Variants in NUCB2 observed in about 807,000 individuals in gnomAD.
The protein encoded by NUCB2 is nucleobindin-2.
In NUCB2, 48 loss-of-function variants were observed where a neutral mutation model predicts 57.9. The ratio of observed to expected loss-of-function variants is 0.83; its 90% CI spans 0.66 to 1.05. The LOEUF is 1.05. Among genes scored for constraint, NUCB2 ranks in the 50% least tolerant of loss-of-function variants. NUCB2 has a pLI of 0.00. For missense variants in NUCB2, 442 were observed against 476.2 expected, an observed-to-expected ratio of 0.93 and a Z score of 0.67; for synonymous variants, 139 against 152.1, an observed-to-expected ratio of 0.91 and a Z score of 0.64.
At chr11:17,299,784 G>A (rs1238271352) in intron 4 of NUCB2, among the ~76,000 whole-genome samples, 1 of 151,954 alleles carries the variant, frequency 6.6e-6, no homozygotes, top group Admixed American at 6.6e-5. Context: ...TGCATCTGTA[G>A]TCCTAGCTAC....
chr11:17,324,406 A>G (rs1950395820), intron 11 of NUCB2, among the ~76,000 whole-genome samples: 1 of 152,122 alleles, frequency 6.6e-6, no homozygotes, highest in Admixed American at 6.6e-5. Context: ...CATTGTGGTC[A>G]GAGAAGATGC....
At chr11:17,333,162 C>T (rs867870839), downstream of NUCB2, 1 of 152,196 alleles carries the variant, frequency 6.6e-6, no homozygotes, top group Non-Finnish European at 1.5e-5. Context: ...CAGGCAACCC[C>T]TGATTCACCT....
At chr11:17,296,698 G>A (rs1023377252) in intron 4 of NUCB2, among the ~76,000 whole-genome samples, 1 of 152,120 alleles carries the variant, frequency 6.6e-6, no homozygotes, top group African/African-American at 2.4e-5. Flanking sequence ...GAGGCAAGAA[G>A]TATATGGGAA....
At chr11:17,299,292 G>T (rs1043984604) in intron 4 of NUCB2, among the ~76,000 whole-genome samples, 1 of 152,126 alleles carries the variant, frequency 6.6e-6, no homozygotes, top group Non-Finnish European at 1.5e-5. Flanking sequence ...TAACTCTAGA[G>T]CCTGCATTTC....
At chr11:17,317,205 T>A (rs1440696674) in intron 11 of NUCB2, among the ~76,000 whole-genome samples, 1 of 152,124 alleles carries the variant, frequency 6.6e-6, no homozygotes, top group Non-Finnish European at 1.5e-5. Context: ...ATTTGCTTTA[T>A]CTTTCTCTCT....
intron 2 of NUCB2, among the ~76,000 whole-genome samples, chr11:17,347,114 A>G (rs1449824648): frequency 6.6e-6 from 1 of 152,208 alleles, no homozygotes; most frequent in East Asian, 1.9e-4. Flanking sequence ...ATCAATCAAT[A>G]TATGTAAGAA....
At chr11:17,336,799 A>AGATATATGT (rs1417043351), downstream of NUCB2, among the ~76,000 whole-genome samples, 2 of 149,520 alleles carry the variant, frequency 1.3e-5, no homozygotes, top group Non-Finnish European at 3.0e-5. Context: ...TCTGAGACAT[A>AGATATATGT]GATATATGTT....
At chr11:17,348,067 C>A (rs1043757734) in intron 2 of NUCB2, among the ~76,000 whole-genome samples, 2 of 152,006 alleles carry the variant, frequency 1.3e-5, no homozygotes, top group African/African-American at 4.8e-5. Flanking sequence ...AATGACAGTT[C>A]TTCGTGGGTT....
chr11:17,279,152 A>G (rs987204113), intron 1 of NUCB2, among the ~76,000 whole-genome samples: 1 of 152,192 alleles, frequency 6.6e-6, no homozygotes, highest in Admixed American at 6.6e-5. Context: ...AGATCGCGCT[A>G]TTGCACTCCA....
intron 1 of NUCB2, among the ~76,000 whole-genome samples, chr11:17,277,904 T>A (rs1941660925): frequency 6.6e-6 from 1 of 152,188 alleles, no homozygotes; most frequent in South Asian, 2.1e-4. Context: ...ACAAATCTTC[T>A]TCAGCTAATA....
chr11:17,322,663 A>G (rs1950170325), intron 11 of NUCB2, among the ~76,000 whole-genome samples: 3 of 152,106 alleles, frequency 2.0e-5, no homozygotes, highest in Admixed American at 6.6e-5. Flanking sequence ...GAATTTGTAG[A>G]CTGCTTTGGG....
chr11:17,291,545 C>CA lies in NUCB2; in HGVS notation c.1-3764dup, dbSNP rs61660913. 3.6e-3 allele frequency among the ~76,000 whole-genome samples: 187 copies of CA among 52,204 alleles called. 20 individuals are homozygous for CA. The highest frequency in any genetic ancestry group is 0.017 in the Middle Eastern group (1 of 58). The allele number at this position is 52,204 out of a possible 152,430, so 34.2% of individuals were successfully genotyped here. A position where few individuals can be genotyped will look rare whatever the true frequency, so the allele number is the denominator to read the frequency against. On this transcript the variant is annotated intron_variant, in intron 2 of 13. Transcript: ENST00000529010. ...TGGGTGGCAGAGTAAGACTCTGCATCAAAAAAAAAAAAAAATCAGTCTTTT... is the reference window on the plus strand; with the variant it reads ...TGGGTGGCAGAGTAAGACTCTGCATCAAAAAAAAAAAAAAAATCAGTCTTTT...
intron 4 of NUCB2, among the ~76,000 whole-genome samples, chr11:17,301,172 C>T (rs1946661497): frequency 6.6e-6 from 1 of 151,610 alleles, no homozygotes. Context: ...GGGGTTTCAC[C>T]ATGTTGGCCG....
At chr11:17,295,199 TA>T in intron 2 of NUCB2, 124 bp from the exon 3 acceptor site, 1 of 755,764 alleles carries the variant, frequency 1.3e-6, no homozygotes, top group Non-Finnish European at 2.0e-6. Flanking sequence ...TCCTTTCCTA[TA>T]ATTTTTTTTT....
At chr11:17,300,050 G>T (rs544301260) in intron 4 of NUCB2, among the ~76,000 whole-genome samples, 2 of 150,746 alleles carry the variant, frequency 1.3e-5, no homozygotes, top group Admixed American at 1.3e-4. Context: ...TTGCTCTGTC[G>T]CCCAGGCTGC....
intron 2 of NUCB2, among the ~76,000 whole-genome samples, chr11:17,285,285 C>A (rs1007682696): frequency 6.6e-6 from 1 of 151,018 alleles, no homozygotes; most frequent in Non-Finnish European, 1.5e-5. Context: ...AAAAAATTAG[C>A]CGGGCGTGGC....
chr11:17,292,422 G>A (rs984427890), intron 2 of NUCB2, among the ~76,000 whole-genome samples: 1 of 152,190 alleles, frequency 6.6e-6, no homozygotes, highest in Non-Finnish European at 1.5e-5. Flanking sequence ...AAGGGAGGCA[G>A]TATGTTCTAG....
chr11:17,287,973 G>A (rs1054898836), intron 2 of NUCB2, among the ~76,000 whole-genome samples: 2 of 152,128 alleles, frequency 1.3e-5, no homozygotes, highest in Non-Finnish European at 2.9e-5. Context: ...ACTCCAGCAC[G>A]GGCAGTAGAG....
intron 11 of NUCB2, among the ~76,000 whole-genome samples, chr11:17,321,906 T>G (rs562095419): frequency 3.9e-4 from 59 of 152,318 alleles, no homozygotes; most frequent in Non-Finnish European, 7.5e-4. Flanking sequence ...TCGAGAAATG[T>G]CTACTCAAAT....
Sources: allele counts gnomAD v4.1 joint callset (sites outside exome capture counted in the v4.1 genomes callset), GRCh38; gene constraint gnomAD v4.1.1; transcripts MANE v1.5; gene names NCBI Gene and HGNC (gene_info 2026-07-23, HGNC 2026-07-21).